CLCN3: variants seen among roughly 807,000 people sequenced by gnomAD.
The protein encoded by CLCN3 is H(+)/Cl(-) exchange transporter 3.
Under a neutral mutation model 83.4 loss-of-function variants are expected in CLCN3, and 16 were observed. That is an observed-to-expected ratio of 0.19 (90% confidence interval 0.13 to 0.29). The LOEUF is 0.29. CLCN3 is among the 10% of genes least tolerant of loss of function. CLCN3 has a pLI of 1.00. For synonymous variants in CLCN3, 322 were observed against 346.2 expected (o/e 0.93, Z 0.78); for missense variants, 544 against 1,006.0 (o/e 0.54, Z 6.21).
chr4:169,706,256 A>G (rs1444574729), intron 10 of CLCN3, among the ~76,000 whole-genome samples: 2 of 151,974 alleles, frequency 1.3e-5, no homozygotes, highest in Admixed American at 1.3e-4. Flanking sequence ...GCTGGTCTCA[A>G]ACTCCTTGAC....
intron 2 of CLCN3, among the ~76,000 whole-genome samples, chr4:169,657,927 T>C (rs1560839363): frequency 6.6e-6 from 1 of 152,154 alleles, no homozygotes; most frequent in Non-Finnish European, 1.5e-5. Context: ...AAAGTCCTCT[T>C]TTGCCACATC....
At chr4:169,679,550 T>C (rs919789198) in intron 2 of CLCN3, among the ~76,000 whole-genome samples, 28 of 151,736 alleles carry the variant, frequency 1.8e-4, no homozygotes, top group Admixed American at 7.9e-4. Flanking sequence ...GGCTGGCAGG[T>C]GGAGGTTGTA....
At chr4:169,680,340 G>T in intron 3 of CLCN3, 133 bp downstream of exon 3, 1 of 638,730 alleles carries the variant, frequency 1.6e-6, no homozygotes, top group Non-Finnish European at 2.6e-6. Flanking sequence ...TTCATATGTG[G>T]TACATGTTTT....
intron 1 of CLCN3, among the ~76,000 whole-genome samples, chr4:169,627,297 C>T (rs1003099636): frequency 1.3e-5 from 2 of 152,094 alleles, no homozygotes; most frequent in African/African-American, 2.4e-5. Flanking sequence ...GACTTTTTAC[C>T]TCACAGCCCA....
intron 2 of CLCN3, among the ~76,000 whole-genome samples, chr4:169,665,636 G>A (rs1440275015): frequency 6.6e-6 from 1 of 151,536 alleles, no homozygotes; most frequent in African/African-American, 2.4e-5. Flanking sequence ...TAGACTTCCT[G>A]CTCTTAACAT....
chr4:169,697,584 T>G lies in CLCN3; in HGVS notation c.1413T>G (p.Leu471=). The change falls in exon 9 of 13, where the codon CTT becomes CTG. Residue 471 remains leucine, a synonymous_variant. Coordinates refer to ENST00000513761, the MANE Select transcript of CLCN3 (RefSeq NM_001829.4). The part of the protein sequence containing the change: ...TDCGPLESSS[L]CDYRNDMNAS... Reference sequence around the variant, plus strand: ...GTGGTCCCCTGGAATCCTCTTCTCTTTGTGACTACAGAAATGACATGAATG... The same window carrying G: ...GTGGTCCCCTGGAATCCTCTTCTCTGTGTGACTACAGAAATGACATGAATG... 6.2e-7 allele frequency: 1 copy of G among 1,614,220 alleles called. No homozygotes were observed. The highest frequency in any genetic ancestry group is 8.5e-7 in the Non-Finnish European group (1 of 1,180,026).
chr4:169,624,629 G>A (rs1773187256), intron 1 of CLCN3, among the ~76,000 whole-genome samples: 1 of 152,136 alleles, frequency 6.6e-6, no homozygotes, highest in African/African-American at 2.4e-5. Flanking sequence ...AATGTATAAT[G>A]TAATTTATGC....
At chr4:169,694,401 CCTGA>C (rs913363669) in intron 7 of CLCN3, among the ~76,000 whole-genome samples, 2 of 152,118 alleles carry the variant, frequency 1.3e-5, no homozygotes, top group Non-Finnish European at 2.9e-5. Context: ...AACACAGCAG[CCTGA>C]CTATGGAGTT....
intron 2 of CLCN3, among the ~76,000 whole-genome samples, chr4:169,645,560 A>C (rs2150208990): frequency 6.6e-6 from 1 of 152,336 alleles, no homozygotes; most frequent in Non-Finnish European, 1.5e-5. Flanking sequence ...ACATATTAAT[A>C]GTTTAAACTT....
intron 2 of CLCN3, among the ~76,000 whole-genome samples, chr4:169,650,390 G>A (rs1323680209): frequency 1.3e-5 from 2 of 152,134 alleles, no homozygotes; most frequent in African/African-American, 4.8e-5. Context: ...TTATGTGTGC[G>A]CATATTGTCT....
intron 1 of CLCN3, among the ~76,000 whole-genome samples, chr4:169,622,339 T>C (rs1382915638): frequency 6.6e-6 from 1 of 152,118 alleles, no homozygotes; most frequent in Non-Finnish European, 1.5e-5. Context: ...AATTGGCTAT[T>C]TTCCAGGTCA....
chr4:169,706,562 AACC>A (rs1414068897), intron 10 of CLCN3, among the ~76,000 whole-genome samples: 2 of 152,222 alleles, frequency 1.3e-5, no homozygotes, highest in African/African-American at 4.8e-5. Flanking sequence ...TACAGCACTA[AACC>A]AAAATGGCAA....
At chr4:169,696,593 T>C (rs570022510) in intron 8 of CLCN3, among the ~76,000 whole-genome samples, 15 of 152,162 alleles carry the variant, frequency 9.9e-5, no homozygotes, top group Admixed American at 9.8e-4. Context: ...AAATATATAA[T>C]ACATATTATT....
At chr4:169,633,373 G>A (rs1232952275) in intron 1 of CLCN3, among the ~76,000 whole-genome samples, 1 of 152,154 alleles carries the variant, frequency 6.6e-6, no homozygotes, top group African/African-American at 2.4e-5. Context: ...CTATTACAAT[G>A]TTTTGAAATG....
At chr4:169,664,773 T>C (rs1731183249) in intron 2 of CLCN3, among the ~76,000 whole-genome samples, 1 of 152,224 alleles carries the variant, frequency 6.6e-6, no homozygotes, top group Admixed American at 6.5e-5. Flanking sequence ...TTAGTATGGT[T>C]AATTTTATGC....
chr4:169,659,739 A>G lies in CLCN3; in HGVS notation c.161-20311A>G, dbSNP rs1299102485. ...ATAGAGTATTTTTTTTTTATTTTTAATAGACTTAGAACCAAGTTTCTTGAG... is the reference window on the plus strand; with the variant it reads ...ATAGAGTATTTTTTTTTTATTTTTAGTAGACTTAGAACCAAGTTTCTTGAG... On this transcript the variant is annotated intron_variant, in intron 2 of 12. Transcript: ENST00000513761. 2.0e-5 allele frequency among the ~76,000 whole-genome samples: 3 copies of G among 152,040 alleles called. No individual in the cohort carries two copies. The East Asian group carries it at 5.8e-4, about 29-fold the overall frequency.
At chr4:169,719,805 C>T in intron 12 of CLCN3, 102 bp from the exon 13 acceptor site, 1 of 835,410 alleles carries the variant, frequency 1.2e-6, no homozygotes, top group Non-Finnish European at 1.8e-6. Context: ...AGGCTGCTTG[C>T]TTTGCTCTAT....
At position 169,703,848 on chromosome 4, in the gene CLCN3, T is replaced by C. The variant is rs575405456; in HGVS notation, c.1564-150T>C. On this transcript the variant is annotated intron_variant, in intron 9 of 12. Coordinates refer to ENST00000513761, the MANE Select transcript of CLCN3 (RefSeq NM_001829.4). ...TTCATGGGATTGTTAAGGTACAAGA[T>C]TTTGCTTTAGTTTTATTTGTACTAG... 30 of 703,184 alleles carry C rather than the reference T, an allele frequency of 4.3e-5. No homozygotes were observed. The African/African-American group carries it at 5.0e-4, about 12-fold the overall frequency. The allele number at this position is 703,184 out of a possible 1,614,324, so 43.6% of individuals were successfully genotyped here.
At chr4:169,680,800 T>A (rs1465222812) in intron 3 of CLCN3, 1 of 152,264 alleles carries the variant, frequency 6.6e-6, no homozygotes, top group Admixed American at 6.5e-5. Context: ...TTTTTGTTTG[T>A]GGTCGTGACT....
Sources: allele counts gnomAD v4.1 joint callset (sites outside exome capture counted in the v4.1 genomes callset), GRCh38; gene constraint gnomAD v4.1.1; transcripts MANE v1.5; gene names NCBI Gene and HGNC (gene_info 2026-07-23, HGNC 2026-07-21).